The following SASS6 variants were observed in gnomAD, a reference collection of about 807,000 sequenced individuals.
SASS6 encodes spindle assembly abnormal protein 6 homolog.
Under a neutral mutation model 94.9 loss-of-function variants are expected in SASS6, and 59 were observed. That is an observed-to-expected ratio of 0.62 (90% CI 0.50 to 0.77). SASS6 has a LOEUF of 0.77. Among genes scored for constraint, SASS6 ranks in the 30% least tolerant of loss-of-function variants. The pLI, the probability that SASS6 is intolerant of heterozygous loss-of-function variation, is 0.00. For missense variants in SASS6, 698 were observed against 734.1 expected, an observed-to-expected ratio of 0.95 and a Z score of 0.57; for synonymous variants, 264 against 270.0, an observed-to-expected ratio of 0.98 and a Z score of 0.22.
Position 100,103,034 on chromosome 1 carries a change from G to T in SASS6, c.1595C>A (p.Ser532Tyr). The T allele has an allele frequency of 1.2e-6, 2 of 1,607,508 alleles. No homozygotes were observed. The highest frequency in any genetic ancestry group is 1.7e-6 in the Non-Finnish European group (2 of 1,174,100). The part of the protein sequence containing the change: ...YPTCGIGYPV[S>Y]SAFAFQNTFP... Reference sequence around the variant, plus strand: ...GGTATTCTGGAATGCAAATGCAGAGGAGACAGGATAACCAATCCCACAGGT... The same window carrying T: ...GGTATTCTGGAATGCAAATGCAGAGTAGACAGGATAACCAATCCCACAGGT... The change falls in exon 14 of 17, where the codon TCC becomes TAC. Residue 532 changes from serine to tyrosine, a missense_variant. Ser to Tyr is a moderately radical substitution (Grantham distance 144, BLOSUM62 -2). Transcript: ENST00000287482.
chr1:100,113,264 C>T (rs1450183218), intron 7 of SASS6, among the ~76,000 whole-genome samples: 1 of 152,068 alleles, frequency 6.6e-6, no homozygotes, highest in African/African-American at 2.4e-5. Flanking sequence ...TGCACATGTA[C>T]CCCTGAATCG....
At position 100,107,953 on chromosome 1, in the gene SASS6, T is replaced by C. The variant is rs763396064; in HGVS notation, c.913A>G (p.Thr305Ala). The C allele has an allele frequency of 4.3e-6, 7 of 1,612,724 alleles. No homozygotes were observed. In the East Asian group the frequency reaches 8.9e-5, roughly 21 times the overall value. The change falls in exon 9 of 17, where the codon ACA becomes GCA. Residue 305 changes from threonine (T) to alanine (A), a missense_variant. By Grantham distance (58) the Thr-to-Ala change is moderately conservative. Transcript: ENST00000287482. Reference protein sequence around the residue: ...EVLSLRRENSTLDVECHEKEK... With the variant: ...EVLSLRRENSALDVECHEKEK... ...TTCTCGTGGCATTCAACATCTAGTG[T>C]AGAATTCTCTCTTCGCAAAGAGAGG...
At chr1:100,129,590 T>C (rs370749300) in intron 1 of SASS6, among the ~76,000 whole-genome samples, 42 of 152,300 alleles carry the variant, frequency 2.8e-4, no homozygotes, top group African/African-American at 1.0e-3. Flanking sequence ...AACTGAATAA[T>C]GGCAATTCAT....
At chr1:100,121,573 A>G (rs1285859428) in intron 4 of SASS6, 24 bp from the exon 5 acceptor site, 4 of 1,377,058 alleles carry the variant, frequency 2.9e-6, no homozygotes, top group Non-Finnish European at 4.1e-6. Flanking sequence ...ATGTTACATT[A>G]TAACACACTT....
At chr1:100,098,240 T>C (rs1400474750) in intron 14 of SASS6, among the ~76,000 whole-genome samples, 1 of 151,958 alleles carries the variant, frequency 6.6e-6, no homozygotes, top group African/African-American at 2.4e-5. Flanking sequence ...AACCATTTTA[T>C]AAATGTTAAA....
chr1:100,099,766 A>G (rs1402504400), intron 14 of SASS6, among the ~76,000 whole-genome samples: 1 of 152,096 alleles, frequency 6.6e-6, no homozygotes, highest in Non-Finnish European at 1.5e-5. Context: ...TCTCCACTCC[A>G]CTACTATTTT....
chr1:100,106,688 C>CA (rs146384812), intron 12 of SASS6, among the ~76,000 whole-genome samples: 7 of 151,548 alleles, frequency 4.6e-5, no homozygotes, highest in South Asian at 2.1e-4. Flanking sequence ...CTCGTCTCTA[C>CA]AAAAAAAACC....
intron 7 of SASS6, among the ~76,000 whole-genome samples, chr1:100,113,391 G>A (rs1016118109): frequency 2.0e-5 from 3 of 151,932 alleles, no homozygotes; most frequent in African/African-American, 4.8e-5. Context: ...GGCGGATCAC[G>A]AGGTCAGGAG....
intron 8 of SASS6, among the ~76,000 whole-genome samples, chr1:100,109,262 T>TTGGTCAGGC (rs1238496779): frequency 6.6e-6 from 1 of 152,032 alleles, no homozygotes; most frequent in African/African-American, 2.4e-5. Context: ...GAACACAAAA[T>TTGGTCAGGC]TGGTCAGGCT....
intron 14 of SASS6, among the ~76,000 whole-genome samples, chr1:100,095,408 T>C (rs592883): frequency 0.22 from 33,360 of 151,992 alleles, 5,128 homozygotes; most frequent in African/African-American, 0.44. Context: ...TGGCATGCAC[T>C]TGTGGTCCCA....
intron 7 of SASS6, among the ~76,000 whole-genome samples, chr1:100,110,870 A>C (rs1653270890): frequency 6.6e-6 from 1 of 152,014 alleles, no homozygotes. Flanking sequence ...TTTTTGCTTT[A>C]AACACCATCA....
chr1:100,129,230 C>T (rs373394241), intron 1 of SASS6, among the ~76,000 whole-genome samples: 6 of 151,374 alleles, frequency 4.0e-5, no homozygotes, highest in African/African-American at 1.5e-4. Flanking sequence ...GAGTGACAGC[C>T]TCTCTCTAAA....
At position 100,121,452 on chromosome 1, in the gene SASS6, G is replaced by A; in HGVS notation, c.409C>T (p.Leu137Phe). ...TTTCCAGGTAAAAGTTTTAGTGAGA[G>A]GTGTGTAAGATGCTTAAAAGGATTT... is the stretch of plus-strand genomic sequence containing the variant. Reference protein sequence around the residue: ...ETNPFKHLTHLSLKLLPGNDV... With the variant: ...ETNPFKHLTHFSLKLLPGNDV... Residue 137 changes from leucine to phenylalanine, a missense_variant, in exon 5 of 17, where the codon CTC becomes TTC. Transcript: ENST00000287482. 1 of 1,599,626 alleles carries A rather than the reference G, an allele frequency of 6.3e-7. No homozygotes were observed. The highest frequency in any genetic ancestry group is 8.5e-7 in the Non-Finnish European group (1 of 1,170,816).
chr1:100,099,020 T>A lies in SASS6; in HGVS notation c.1674+3935A>T, dbSNP rs1489973603. Among the ~76,000 whole-genome samples the A allele has an allele frequency of 2.6e-5, 4 of 152,198 alleles. No individual in the cohort carries two copies. The East Asian group carries it at 7.7e-4, about 29-fold the overall frequency. ...ACAGTAGGGACTTTTAGATAGTACA[T>A]CCTCTTGTACCTTTCAAAGCTTCCC... On this transcript the variant is annotated intron_variant, in intron 14 of 16. Transcript: ENST00000287482.
intron 4 of SASS6, among the ~76,000 whole-genome samples, 186 bp from the exon 5 acceptor site, chr1:100,121,735 A>C (rs567159508): frequency 6.6e-5 from 10 of 152,340 alleles, no homozygotes; most frequent in African/African-American, 1.9e-4. Flanking sequence ...ATAAAAGTCC[A>C]TGAGTTCATG....
intron 7 of SASS6, among the ~76,000 whole-genome samples, chr1:100,117,174 T>C (rs1360790344): frequency 2.0e-5 from 3 of 151,000 alleles, no homozygotes; most frequent in African/African-American, 7.3e-5. Context: ...CATGTGTAAT[T>C]CCAGCTACTT....
chr1:100,098,035 ACT>A (rs1272696202), intron 14 of SASS6, among the ~76,000 whole-genome samples: 1 of 152,118 alleles, frequency 6.6e-6, no homozygotes, highest in Non-Finnish European at 1.5e-5. Flanking sequence ...TAGCTTCACA[ACT>A]CTATAAGCTG....
chr1:100,119,627 A>T (rs1380139888), intron 6 of SASS6, among the ~76,000 whole-genome samples: 1 of 152,192 alleles, frequency 6.6e-6, no homozygotes, highest in Non-Finnish European at 1.5e-5. Context: ...AGGTGATTGG[A>T]TCATGGGAAT....
rs1655184576 is a variant in SASS6 at position 100,132,804 on chromosome 1, A to G, written c.11T>C (p.Val4Ala). The change falls in exon 1 of 17, where the codon GTG becomes GCG. Residue 4 changes from valine to alanine, a missense_variant. Transcript: ENST00000287482. Reference protein sequence around the residue: MSQVLFHQLVPLQV... With the variant: MSQALFHQLVPLQV... The stretch of plus-strand genomic sequence containing the variant: ...CAACGGGACTAGTTGGTGGAACAGC[A>G]CTTGGCTCATGTTGGCTCGCTGCCT... 1 of 1,613,982 alleles carries G rather than the reference A, an allele frequency of 6.2e-7. No individual in the cohort carries two copies. The highest frequency in any genetic ancestry group is 8.5e-7 in the Non-Finnish European group (1 of 1,179,962).
Sources: allele counts gnomAD v4.1 joint callset (sites outside exome capture counted in the v4.1 genomes callset), GRCh38; gene constraint gnomAD v4.1.1; transcripts MANE v1.5; gene names NCBI Gene and HGNC (gene_info 2026-07-23, HGNC 2026-07-21).